Variants in BLTP3A observed in about 807,000 individuals in gnomAD.
BLTP3A encodes bridge-like lipid transfer protein family member 3A, also known as ICBP90 binding protein 1.
At chr6:34,814,647 C>G in the BLTP3A span, among the ~76,000 whole-genome samples, 1 of 152,082 alleles carries the variant, frequency 6.6e-6, no homozygotes. Flanking sequence ...ACAGTATCCT[C>G]TGTGGTCTCT....
the BLTP3A span, among the ~76,000 whole-genome samples, chr6:34,805,104 G>C: frequency 6.6e-6 from 1 of 151,828 alleles, no homozygotes; most frequent in African/African-American, 2.4e-5. Context: ...GACCAGCCTG[G>C]GTAGCATAGC....
At chr6:34,849,545 T>C in the BLTP3A span, among the ~76,000 whole-genome samples, 1 of 152,340 alleles carries the variant, frequency 6.6e-6, no homozygotes, top group Non-Finnish European at 1.5e-5. Context: ...AAAGTTATTG[T>C]AGTTATTTTT....
chr6:34,864,522 C>CTTTT, the BLTP3A span, among the ~76,000 whole-genome samples: 32 of 109,418 alleles, frequency 2.9e-4, no homozygotes, highest in African/African-American at 5.9e-4. Context: ...TGCTTATAGT[C>CTTTT]TTTTTTTTTT....
the BLTP3A span, among the ~76,000 whole-genome samples, chr6:34,862,244 G>A: frequency 6.6e-6 from 1 of 151,996 alleles, no homozygotes; most frequent in Admixed American, 6.6e-5. Context: ...GGGTGTGGTG[G>A]CACGTGCCTG....
At chr6:34,826,855 A>G in the BLTP3A span, among the ~76,000 whole-genome samples, 1 of 152,114 alleles carries the variant, frequency 6.6e-6, no homozygotes, top group African/African-American at 2.4e-5. Flanking sequence ...TCTTTTATAC[A>G]ACTTTACCCT....
At chr6:34,828,842 A>G in the BLTP3A span, among the ~76,000 whole-genome samples, 2 of 152,034 alleles carry the variant, frequency 1.3e-5, no homozygotes, top group Non-Finnish European at 2.9e-5. Flanking sequence ...AGCATGGCCA[A>G]CATGGAGAAA....
chr6:34,870,811 C>T, the BLTP3A span: 4 of 1,602,780 alleles, frequency 2.5e-6, no homozygotes, highest in South Asian at 3.3e-5. Context: ...TAGAAGACTC[C>T]CTGGCCGTTA....
chr6:34,833,141 A>AT, the BLTP3A span, among the ~76,000 whole-genome samples: 110 of 152,232 alleles, frequency 7.2e-4, no homozygotes, highest in African/African-American at 2.6e-3. Flanking sequence ...GCATATGCGG[A>AT]TTTTTTTCAA....
At chr6:34,857,162 C>G in the BLTP3A span, among the ~76,000 whole-genome samples, 1 of 152,160 alleles carries the variant, frequency 6.6e-6, no homozygotes, top group South Asian at 2.1e-4. Context: ...AACTAACTCG[C>G]GTATAGTGCG....
the BLTP3A span, among the ~76,000 whole-genome samples, chr6:34,835,890 T>C: frequency 3.9e-5 from 6 of 152,226 alleles, no homozygotes; most frequent in African/African-American, 1.4e-4. Context: ...ATCAGTCCAC[T>C]AAGACCTGGT....
At chr6:34,862,308 G>A in the BLTP3A span, among the ~76,000 whole-genome samples, 13 of 152,040 alleles carry the variant, frequency 8.6e-5, no homozygotes, top group South Asian at 4.2e-4. Context: ...CCTGGGAGGC[G>A]GAGCTTGCAG....
the BLTP3A span, among the ~76,000 whole-genome samples, chr6:34,820,206 T>C: frequency 6.6e-6 from 1 of 152,184 alleles, no homozygotes; most frequent in African/African-American, 2.4e-5. Flanking sequence ...ATAATAGGTC[T>C]CTGTTCCCCT....
At chr6:34,844,142 G>A in the BLTP3A span, among the ~76,000 whole-genome samples, 2 of 151,920 alleles carry the variant, frequency 1.3e-5, no homozygotes, top group South Asian at 2.1e-4. Context: ...CACCACGCCC[G>A]GCTAATTTTT....
the BLTP3A span, among the ~76,000 whole-genome samples, chr6:34,867,945 G>T: frequency 6.6e-6 from 1 of 152,150 alleles, no homozygotes; most frequent in African/African-American, 2.4e-5. Flanking sequence ...TTCAGATTCA[G>T]TCCTTTGATG....
chr6:34,822,453 G>A, the BLTP3A span, among the ~76,000 whole-genome samples: 1 of 151,992 alleles, frequency 6.6e-6, no homozygotes, highest in Non-Finnish European at 1.5e-5. Context: ...TGGCTAGGCT[G>A]GTCTCGAACT....
chr6:34,816,569 C>T, the BLTP3A span, among the ~76,000 whole-genome samples: 3 of 152,250 alleles, frequency 2.0e-5, no homozygotes, highest in East Asian at 1.9e-4. Flanking sequence ...GCCGTGATCA[C>T]GCCACTACAC....
At chr6:34,830,426 A>G in the BLTP3A span, among the ~76,000 whole-genome samples, 1 of 151,902 alleles carries the variant, frequency 6.6e-6, no homozygotes, top group Non-Finnish European at 1.5e-5. Context: ...ATCTCTACTA[A>G]AAAAAATAAA....
the BLTP3A span, among the ~76,000 whole-genome samples, chr6:34,810,724 C>T: frequency 6.6e-6 from 1 of 152,174 alleles, no homozygotes; most frequent in African/African-American, 2.4e-5. Context: ...CTGCCTCGAC[C>T]TCTCAAAGTG....
chr6:34,810,621 A>G, the BLTP3A span, among the ~76,000 whole-genome samples: 1 of 152,136 alleles, frequency 6.6e-6, no homozygotes, highest in African/African-American at 2.4e-5. Flanking sequence ...GGCGTGTGCC[A>G]CCATGCCCAG....
Sources: gnomAD v4.1 joint callset for allele counts (sites outside exome capture counted in the v4.1 genomes callset) on GRCh38, gnomAD v4.1.1 for gene constraint, MANE v1.5 for transcripts, NCBI Gene and HGNC (gene_info 2026-07-23, HGNC 2026-07-21) for gene names.